The following PCLO variants were observed in gnomAD, a reference collection of about 807,000 sequenced individuals.
The protein encoded by PCLO is protein piccolo.
In PCLO, 82 loss-of-function variants were observed where a neutral mutation model predicts 427.5. That is an observed-to-expected ratio of 0.19 (90% CI 0.16 to 0.23). The LOEUF is 0.23. Ranked by LOEUF, PCLO falls within the 10% of genes least tolerant of loss-of-function variation. PCLO has a pLI of 1.00. For synonymous variants in PCLO, 2,357 were observed against 2,155.4 expected (o/e 1.09, Z -2.59); for missense variants, 6,239 against 6,115.9 (o/e 1.02, Z -0.67).
At chr7:83,024,744 C>G (rs568433013) in intron 3 of PCLO, among the ~76,000 whole-genome samples, 3,408 of 152,290 alleles carry the variant, frequency 0.022, 76 homozygotes, top group Non-Finnish European at 0.032. Context: ...TCTCCCAGTA[C>G]GCAGCTGGAG....
Position 82,950,449 on chromosome 7 carries a change from C to A in PCLO, c.10139G>T (p.Gly3380Val). Residue 3380 changes from glycine (G) to valine (V), a missense_variant, in exon 6 of 25, where the codon GGT (glycine) becomes GTT (valine). Coordinates refer to ENST00000333891, the MANE Select transcript of PCLO (RefSeq NM_033026.6). ...SQGWYTVQSD[G>V]VTQYIAPPGI... ...AGGTGGGGCAATGTACTGAGTAACA[C>A]CATCAGACTGAACGGTGTACCATCC... 1 of 1,613,734 alleles carries A rather than the reference C, an allele frequency of 6.2e-7. No homozygotes were observed. Among genetic ancestry groups the A allele is most frequent in the Non-Finnish European group, 8.5e-7 (1 of 1,179,838 alleles).
rs1201865794 is a variant in PCLO at position 83,162,639 on chromosome 7, C to T, written c.-47G>A. 1 of 1,489,978 alleles carries T rather than the reference C, an allele frequency of 6.7e-7. No individual in the cohort carries two copies. Among genetic ancestry groups the T allele is most frequent in the Non-Finnish European group, 8.9e-7 (1 of 1,124,580 alleles). 92.3% of individuals were successfully genotyped at this position (1,489,978 alleles called of 1,614,324 possible). On this transcript the variant is annotated 5_prime_UTR_variant, in exon 1 of 25. Transcript: ENST00000333891. ...GCCGCGCTCCCTCCTCGCGCCGCGT[C>T]CCAGTCGAGAAGCCCGCGGCCAGGG...
intron 3 of PCLO, among the ~76,000 whole-genome samples, chr7:82,971,439 T>G (rs1795901538): frequency 6.6e-6 from 1 of 150,562 alleles, no homozygotes; most frequent in African/African-American, 2.4e-5. Context: ...TGTGTGTGTG[T>G]ATACATCTGT....
chr7:83,093,647 C>T (rs1457146352), intron 3 of PCLO, among the ~76,000 whole-genome samples: 3 of 149,340 alleles, frequency 2.0e-5, no homozygotes, highest in East Asian at 3.9e-4. Context: ...CGCCCGCTAC[C>T]ACACCCGGCT....
chr7:83,072,099 A>G lies in PCLO; in HGVS notation c.3300+62151T>C, dbSNP rs1041203823. On this transcript the variant is annotated intron_variant, in intron 3 of 24. Coordinates refer to ENST00000333891, the MANE Select transcript of PCLO (RefSeq NM_033026.6). ...TTGAAGAAACATTTTCTAAAAAACA[A>G]TTATTTATCATTGCTCCCTAGATTC... Among the ~76,000 whole-genome samples, 184 of 152,042 alleles carry G rather than the reference A, an allele frequency of 1.2e-3. 5 individuals carry two copies. Among genetic ancestry groups the G allele is most frequent in the Non-Finnish European group, 3.4e-4 (23 of 67,936 alleles).
At chr7:82,884,767 C>T (rs1793590683) in intron 9 of PCLO, among the ~76,000 whole-genome samples, 1 of 151,808 alleles carries the variant, frequency 6.6e-6, no homozygotes, top group Non-Finnish European at 1.5e-5. Context: ...TGATGGCAGG[C>T]CAGGACGTGG....
chr7:82,772,551 C>G (rs17156658), intron 22 of PCLO, among the ~76,000 whole-genome samples: 1 of 151,892 alleles, frequency 6.6e-6, no homozygotes, highest in Non-Finnish European at 1.5e-5. Flanking sequence ...CCAGATTCAA[C>G]GAGATATTTT....
At chr7:82,910,465 T>C (rs1794295892) in intron 7 of PCLO, among the ~76,000 whole-genome samples, 1 of 152,098 alleles carries the variant, frequency 6.6e-6, no homozygotes, top group Admixed American at 6.6e-5. Flanking sequence ...TTTGAGAAAA[T>C]ACATTAACAC....
chr7:83,115,560 A>G (rs1021526651), intron 3 of PCLO, among the ~76,000 whole-genome samples: 1 of 152,068 alleles, frequency 6.6e-6, no homozygotes, highest in Non-Finnish European at 1.5e-5. Flanking sequence ...TTCTTTCTGT[A>G]GCTTTCCAAA....
chr7:83,149,553 GTC>G (rs777286794), intron 2 of PCLO, among the ~76,000 whole-genome samples: 3 of 152,044 alleles, frequency 2.0e-5, no homozygotes, highest in African/African-American at 7.2e-5. Context: ...TAAAAAAAAA[GTC>G]TCTGTGCTAA....
Position 82,760,721 on chromosome 7 carries a change from G to GT in PCLO, c.15205dup (p.Thr5069AsnfsTer7). 1.3e-6 allele frequency: 2 copies of GT among 1,580,422 alleles called. No individual in the cohort carries two copies. The highest frequency in any genetic ancestry group is 1.7e-6 in the Non-Finnish European group (2 of 1,153,560). ...CTCTCGATCATGTCTGCATACTCTT[G>GT]TTTTTTTCTTGATCACCTTTTTTTG... On this transcript the variant is annotated frameshift_variant, in exon 24 of 25. Coordinates refer to ENST00000333891, the MANE Select transcript of PCLO (RefSeq NM_033026.6). LOFTEE classifies it high-confidence loss of function.
intron 3 of PCLO, among the ~76,000 whole-genome samples, chr7:83,101,039 T>C (rs912267628): frequency 6.6e-6 from 1 of 152,000 alleles, no homozygotes; most frequent in African/African-American, 2.4e-5. Flanking sequence ...CAAACATGGA[T>C]TTTTGCATTT....
At chr7:82,801,804 G>C (rs1791359905) in intron 21 of PCLO, among the ~76,000 whole-genome samples, 1 of 151,988 alleles carries the variant, frequency 6.6e-6, no homozygotes. Context: ...ATGTGAACTT[G>C]TTTATTATTC....
In PCLO at chr7:82,951,321, G is replaced by C. The variant is rs1795341678; in HGVS notation, c.9267C>G (p.Val3089=). The part of the protein sequence containing the change: ...GSVLRSSNGV[V]YSSVATPTPS... ...GTGTTGGAGTTGCTACTGAAGAATAGACAACACCATTAGATGACCTCAAAA... is the reference window on the plus strand; with the variant it reads ...GTGTTGGAGTTGCTACTGAAGAATACACAACACCATTAGATGACCTCAAAA... The change falls in exon 6 of 25, where the codon GTC becomes GTG. Residue 3089 remains valine, a synonymous_variant. Coordinates refer to ENST00000333891, the MANE Select transcript of PCLO (RefSeq NM_033026.6). 3.1e-6 allele frequency: 5 copies of C among 1,612,054 alleles called. No homozygotes were observed. The highest frequency in any genetic ancestry group is 4.2e-6 in the Non-Finnish European group (5 of 1,179,040).
At chr7:83,093,554 G>A (rs1387108347) in intron 3 of PCLO, among the ~76,000 whole-genome samples, 23 of 140,352 alleles carry the variant, frequency 1.6e-4, no homozygotes, top group African/African-American at 4.7e-4. Context: ...GTGCAGTGGC[G>A]TGATCTCCGC....
chr7:82,938,268 T>C (rs1355763920), intron 6 of PCLO, among the ~76,000 whole-genome samples: 1 of 151,978 alleles, frequency 6.6e-6, no homozygotes, highest in Non-Finnish European at 1.5e-5. Context: ...GGGTATAATA[T>C]TTAAAGCACA....
rs1200707443 is a variant in PCLO at position 82,956,730 on chromosome 7, T to C, written c.4223A>G (p.Asp1408Gly). 1 of 1,613,818 alleles carries C rather than the reference T, an allele frequency of 6.2e-7. No homozygotes were observed. The highest frequency in any genetic ancestry group is 1.1e-5 in the South Asian group (1 of 91,072). ...SQESSPSSPS[D>G]LAKLESTVLS... Reference sequence around the variant, plus strand: ...GACTGTACTTTCTAACTTAGCCAAATCTGAGGGGCTGGAAGGGCTGCTTTC... The same window carrying C: ...GACTGTACTTTCTAACTTAGCCAAACCTGAGGGGCTGGAAGGGCTGCTTTC... Residue 1408 changes from aspartate to glycine, a missense_variant, in exon 5 of 25, where the codon GAT becomes GGT. This residue lies in a region of PCLO where 4,677 missense variants were observed against 4,468.4 expected (regional missense o/e 1.05). Coordinates refer to ENST00000333891, the MANE Select transcript of PCLO (RefSeq NM_033026.6).
chr7:82,865,318 C>A (rs1472976962), intron 10 of PCLO, among the ~76,000 whole-genome samples: 2 of 151,812 alleles, frequency 1.3e-5, no homozygotes, highest in Non-Finnish European at 2.9e-5. Flanking sequence ...TGAAACCCCG[C>A]ATCTACTAAA....
chr7:82,788,532 C>T (rs192780712), intron 22 of PCLO, among the ~76,000 whole-genome samples: 21 of 151,960 alleles, frequency 1.4e-4, no homozygotes, highest in Non-Finnish European at 2.5e-4. Context: ...TTGATTAAGC[C>T]TGCTTTTCAT....
Sources: gnomAD v4.1 joint callset for allele counts (sites outside exome capture counted in the v4.1 genomes callset) on GRCh38, gnomAD v4.1.1 for gene constraint, gnomAD v4.1.1 regional missense constraint, MANE v1.5 for transcripts, NCBI Gene and HGNC (gene_info 2026-07-23, HGNC 2026-07-21) for gene names.